The following LARGE1 variants were observed in gnomAD, a reference collection of about 807,000 sequenced individuals.
The protein encoded by LARGE1 is LARGE xylosyl- and glucuronyltransferase 1.
LARGE1 carries 43 observed loss-of-function variants against 87.6 expected under a neutral mutation model. That is an observed-to-expected ratio of 0.49 (90% CI 0.38 to 0.63). The LOEUF (loss-of-function observed/expected upper bound fraction) is 0.63, where lower values mean the gene tolerates loss of function less well. Among genes scored for constraint, LARGE1 ranks in the 30% least tolerant of loss-of-function variants. The pLI is 0.00. For missense variants in LARGE1, 802 were observed against 1,000.2 expected (o/e 0.80, Z 2.67); for synonymous variants, 434 against 394.6 (o/e 1.10, Z -1.18).
chr22:33,703,674 C>T (rs1020266773), intron 2 of LARGE1, among the ~76,000 whole-genome samples: 1 of 152,154 alleles, frequency 6.6e-6, no homozygotes, highest in African/African-American at 2.4e-5. Context: ...GGACCACAAG[C>T]CAAGGGATGC....
At chr22:33,547,989 C>A (rs1472063156) in intron 6 of LARGE1, among the ~76,000 whole-genome samples, 1 of 152,014 alleles carries the variant, frequency 6.6e-6, no homozygotes, top group East Asian at 1.9e-4. Context: ...TGCCGACCAA[C>A]CCTACCCCAC....
intron 6 of LARGE1, among the ~76,000 whole-genome samples, chr22:33,438,279 T>C (rs574026152): frequency 3.9e-5 from 6 of 152,214 alleles, no homozygotes; most frequent in African/African-American, 1.4e-4. Flanking sequence ...GGCTACAGGG[T>C]GCTGGCTTGC....
At chr22:33,306,416 G>A (rs139496143) in intron 11 of LARGE1, among the ~76,000 whole-genome samples, 28 of 152,274 alleles carry the variant, frequency 1.8e-4, no homozygotes, top group Non-Finnish European at 2.9e-4. Flanking sequence ...GGAAGTGGGC[G>A]GAAGGAGGGA....
intron 11 of LARGE1, among the ~76,000 whole-genome samples, chr22:33,313,953 G>C (rs1935877500): frequency 6.6e-6 from 1 of 152,204 alleles, no homozygotes; most frequent in African/African-American, 2.4e-5. Context: ...AACGAATGGG[G>C]TGCCTGAGCC....
chr22:33,407,855 A>C (rs960086679), intron 7 of LARGE1, among the ~76,000 whole-genome samples: 1 of 152,198 alleles, frequency 6.6e-6, no homozygotes, highest in Admixed American at 6.5e-5. Flanking sequence ...GCAGCTGTCA[A>C]TCTAAATAAT....
chr22:33,692,783 C>T (rs1271170313), intron 2 of LARGE1, among the ~76,000 whole-genome samples: 1 of 152,154 alleles, frequency 6.6e-6, no homozygotes, highest in Non-Finnish European at 1.5e-5. Context: ...AGTATAAATT[C>T]TCTGTATGTA....
At chr22:33,406,270 C>T (rs187113711) in intron 7 of LARGE1, among the ~76,000 whole-genome samples, 10 of 152,244 alleles carry the variant, frequency 6.6e-5, no homozygotes, top group Admixed American at 5.2e-4. Flanking sequence ...CACAGCCTGG[C>T]GTGCCCCCTC....
chr22:33,120,458 CTCTT>C, the LARGE1 span, among the ~76,000 whole-genome samples: 61 of 145,500 alleles, frequency 4.2e-4, no homozygotes, highest in East Asian at 3.7e-3. Context: ...CTCTCTCTCT[CTCTT>C]TCTTTCTTTC....
At chr22:33,361,562 A>C (rs2064386549) in intron 9 of LARGE1, among the ~76,000 whole-genome samples, 1 of 149,614 alleles carries the variant, frequency 6.7e-6, no homozygotes, top group African/African-American at 2.5e-5. Flanking sequence ...GGAGAGGGGC[A>C]GCAAGGATGT....
At chr22:33,538,608 G>C (rs1003767412) in intron 6 of LARGE1, among the ~76,000 whole-genome samples, 3 of 152,062 alleles carry the variant, frequency 2.0e-5, no homozygotes, top group Admixed American at 2.0e-4. Context: ...CTAGATGCTT[G>C]GAATACAGAG....
At chr22:33,228,932 G>T (rs1925868067) in intron 11 of LARGE1, among the ~76,000 whole-genome samples, 1 of 152,090 alleles carries the variant, frequency 6.6e-6, no homozygotes, top group Admixed American at 6.5e-5. Flanking sequence ...CTTGCATAAG[G>T]CTGGGAACCT....
chr22:33,758,870 G>A (rs187604213), intron 2 of LARGE1, among the ~76,000 whole-genome samples: 165 of 152,216 alleles, frequency 1.1e-3, no homozygotes, highest in African/African-American at 3.8e-3. Flanking sequence ...ATCATCCTGT[G>A]ACCAGAAATA....
chr22:33,609,207 A>T lies in LARGE1; in HGVS notation c.492-4649T>A, dbSNP rs16992626. On this transcript the variant is annotated intron_variant, in intron 4 of 14. Transcript: ENST00000397394. ...AGGCAGCTTACGATCTTGGAGAGTC[A>T]GAGGAAGACAGAATACAAAAAACTC... Among the ~76,000 whole-genome samples, 490 of 152,340 alleles carry T rather than the reference A, an allele frequency of 3.2e-3. 1 individual carries two copies. The highest frequency in any genetic ancestry group is 0.011 in the African/African-American group (470 of 41,576).
chr22:33,675,228 AGGTTGC>A (rs1334428350), intron 2 of LARGE1, among the ~76,000 whole-genome samples: 29 of 132,342 alleles, frequency 2.2e-4, no homozygotes, highest in Admixed American at 1.6e-3. Context: ...CGGGAGGCAG[AGGTTGC>A]GGTGAGCCAA....
chr22:33,078,926 G>C, the LARGE1 span, among the ~76,000 whole-genome samples: 3 of 152,214 alleles, frequency 2.0e-5, no homozygotes, highest in African/African-American at 7.2e-5. Context: ...AATATCACGT[G>C]CAAAGGCATG....
chr22:33,421,237 T>G (rs1055872816), intron 7 of LARGE1, among the ~76,000 whole-genome samples: 1 of 149,530 alleles, frequency 6.7e-6, no homozygotes, highest in Non-Finnish European at 1.5e-5. Flanking sequence ...AATCAATCAA[T>G]CAATCAATAA....
intron 2 of LARGE1, among the ~76,000 whole-genome samples, chr22:33,748,138 T>TG (rs1249740623): frequency 2.0e-5 from 3 of 149,624 alleles, no homozygotes; most frequent in Admixed American, 2.0e-4. Flanking sequence ...CAGGTTTGTT[T>TG]TTTTTTTTTT....
intron 9 of LARGE1, among the ~76,000 whole-genome samples, chr22:33,343,971 G>A (rs977307229): frequency 2.6e-4 from 40 of 152,228 alleles, no homozygotes; most frequent in Admixed American, 1.9e-3. Flanking sequence ...TCTGATGTTT[G>A]AGGGCAGGAA....
chr22:33,192,952 T>G (rs1266923303), intron 11 of LARGE1, among the ~76,000 whole-genome samples: 1 of 152,232 alleles, frequency 6.6e-6, no homozygotes, highest in Non-Finnish European at 1.5e-5. Flanking sequence ...GTTCTTGGTA[T>G]CTTTGTCGAA....
Sources: allele counts gnomAD v4.1 joint callset (sites outside exome capture counted in the v4.1 genomes callset), GRCh38; gene constraint gnomAD v4.1.1; transcripts MANE v1.5; gene names NCBI Gene and HGNC (gene_info 2026-07-23, HGNC 2026-07-21).